Variants in EXOC4 observed in about 807,000 individuals in gnomAD.
The protein encoded by EXOC4 is exocyst complex component 4.
In EXOC4, 71 loss-of-function variants were observed where a neutral mutation model predicts 107.2. The ratio of observed to expected loss-of-function variants is 0.66; its 90% CI spans 0.55 to 0.81. The LOEUF is 0.81. EXOC4 is among the 30% of genes least tolerant of loss of function. The probability of loss-of-function intolerance (pLI) is 0.00; values close to 1 mark genes in which losing one functional copy is unlikely to be tolerated. For missense variants in EXOC4, 1,108 were observed against 1,189.6 expected, an observed-to-expected ratio of 0.93 and a Z score of 1.01; for synonymous variants, 456 against 441.2, an observed-to-expected ratio of 1.03 and a Z score of -0.42.
chr7:134,010,690 A>C (rs770361911), intron 17 of EXOC4, among the ~76,000 whole-genome samples: 1 of 152,210 alleles, frequency 6.6e-6, no homozygotes, highest in Non-Finnish European at 1.5e-5. Context: ...GCAAATCTCT[A>C]TAGGAATGTT....
At chr7:133,449,360 T>C (rs1467609483) in intron 7 of EXOC4, among the ~76,000 whole-genome samples, 1 of 152,174 alleles carries the variant, frequency 6.6e-6, no homozygotes, top group Non-Finnish European at 1.5e-5. Context: ...AGAATACATT[T>C]CTATTGTTTT....
At chr7:133,639,660 A>G (rs976273072) in intron 10 of EXOC4, among the ~76,000 whole-genome samples, 2 of 152,122 alleles carry the variant, frequency 1.3e-5, no homozygotes, top group African/African-American at 4.8e-5. Context: ...CCTTAATTTC[A>G]TTTTTTGGTA....
At chr7:133,279,948 TA>T (rs1304205433) in intron 2 of EXOC4, among the ~76,000 whole-genome samples, 2 of 152,142 alleles carry the variant, frequency 1.3e-5, no homozygotes, top group Non-Finnish European at 2.9e-5. Context: ...CAAGCTTTTT[TA>T]AAAAAATTAA....
In EXOC4 at chr7:133,475,401, C is replaced by A. The variant is rs1342076453; in HGVS notation, c.1256C>A (p.Ala419Asp). The A allele has an allele frequency of 5.6e-6, 9 of 1,613,890 alleles. No homozygotes were observed. The highest frequency in any genetic ancestry group is 7.6e-6 in the Non-Finnish European group (9 of 1,179,870). ...ASEPSAQLSYASTGREFAAFF... is the reference protein window; with the variant it reads ...ASEPSAQLSYDSTGREFAAFF... ...GAACCATCAGCTCAACTAAGCTATG[C>A]CAGCACTGGACGAGAGTTTGCAGCC... is the stretch of plus-strand genomic sequence containing the variant. Residue 419 changes from alanine (A) to aspartate (D), a missense_variant, in exon 8 of 18, where the codon GCC becomes GAC. Transcript: ENST00000253861.
chr7:133,504,604 G>A (rs1278347588), intron 9 of EXOC4, among the ~76,000 whole-genome samples: 3 of 152,090 alleles, frequency 2.0e-5, no homozygotes, highest in African/African-American at 7.2e-5. Flanking sequence ...AGATGTGCAA[G>A]AAGGCTATTT....
intron 11 of EXOC4, among the ~76,000 whole-genome samples, chr7:133,886,509 T>C (rs1563043701): frequency 1.3e-5 from 2 of 151,930 alleles, no homozygotes; most frequent in African/African-American, 4.9e-5. Context: ...TCCACAGCAA[T>C]GTTTTTTTTT....
chr7:133,792,460 G>A (rs1017640720), intron 10 of EXOC4, among the ~76,000 whole-genome samples: 5 of 150,592 alleles, frequency 3.3e-5, no homozygotes, highest in African/African-American at 1.2e-4. Context: ...AGCTGAAGTG[G>A]GAGGATTGCT....
At chr7:133,471,470 A>T (rs1194583319) in intron 7 of EXOC4, among the ~76,000 whole-genome samples, 1 of 152,150 alleles carries the variant, frequency 6.6e-6, no homozygotes, top group African/African-American at 2.4e-5. Flanking sequence ...CTTTACCTAA[A>T]TTTAAAATAG....
At chr7:133,260,581 C>T (rs2150505221) in intron 1 of EXOC4, among the ~76,000 whole-genome samples, 1 of 152,272 alleles carries the variant, frequency 6.6e-6, no homozygotes. Flanking sequence ...GCCCCTTTAA[C>T]TTTATTCTAC....
intron 9 of EXOC4, among the ~76,000 whole-genome samples, chr7:133,534,582 G>C (rs1800239091): frequency 6.6e-6 from 1 of 152,142 alleles, no homozygotes. Context: ...TCAAGGGCTA[G>C]GAAATGTTTT....
chr7:133,527,301 G>T (rs1213153425), intron 9 of EXOC4, among the ~76,000 whole-genome samples: 1 of 152,050 alleles, frequency 6.6e-6, no homozygotes, highest in East Asian at 1.9e-4. Context: ...CTACTTGGGA[G>T]GCTGAGGCAG....
At position 133,522,873 on chromosome 7, in the gene EXOC4, T is replaced by C. The variant is rs540704465; in HGVS notation, c.1417+42735T>C. On this transcript the variant is annotated intron_variant, in intron 9 of 17. Coordinates refer to ENST00000253861, the MANE Select transcript of EXOC4 (RefSeq NM_021807.4). ...GGGAGCCTACATTCCCAAGAATCTC[T>C]GATATGACCATATAAAAACCATGAC... Among the ~76,000 whole-genome samples the C allele has an allele frequency of 2.0e-5, 3 of 152,284 alleles. No individual in the cohort carries two copies. In the South Asian group the frequency reaches 6.2e-4, roughly 32 times the overall value.
intron 11 of EXOC4, among the ~76,000 whole-genome samples, chr7:133,824,145 A>C (rs181411094): frequency 6.6e-6 from 1 of 151,246 alleles, no homozygotes; most frequent in Non-Finnish European, 1.5e-5. Flanking sequence ...TGGGAATCAT[A>C]GAATCTGTGT....
Position 133,707,045 on chromosome 7 carries a change from T to G in EXOC4, c.1514+76904T>G, listed in dbSNP as rs1382891232. On this transcript the variant is annotated intron_variant, in intron 10 of 17. Transcript: ENST00000253861. ...AGTAAACCAGAGCTCTTGTAAGACATGTGTGTGTACACATTAAGTGGCCTT... is the reference window on the plus strand; with the variant it reads ...AGTAAACCAGAGCTCTTGTAAGACAGGTGTGTGTACACATTAAGTGGCCTT... 2.0e-5 allele frequency among the ~76,000 whole-genome samples: 3 copies of G among 152,066 alleles called. No individual in the cohort carries two copies. In the East Asian group the frequency reaches 5.8e-4, roughly 29 times the overall value.
intron 10 of EXOC4, among the ~76,000 whole-genome samples, chr7:133,735,700 A>G (rs1452739536): frequency 6.6e-6 from 1 of 151,704 alleles, no homozygotes; most frequent in East Asian, 1.9e-4. Flanking sequence ...GAAGCTCCCC[A>G]TTTGTGTTTT....
intron 9 of EXOC4, among the ~76,000 whole-genome samples, chr7:133,561,626 C>A (rs908830731): frequency 2.0e-5 from 3 of 152,100 alleles, no homozygotes; most frequent in Admixed American, 2.0e-4. Context: ...TTTGCTATAA[C>A]GTTGATGAGA....
At chr7:133,269,808 G>A (rs942113951) in intron 1 of EXOC4, among the ~76,000 whole-genome samples, 5 of 152,162 alleles carry the variant, frequency 3.3e-5, no homozygotes, top group Admixed American at 1.3e-4. Flanking sequence ...TCACTTCTCA[G>A]CACATCTGAG....
intron 10 of EXOC4, among the ~76,000 whole-genome samples, chr7:133,773,073 G>A (rs77355033): frequency 6.6e-6 from 1 of 151,958 alleles, no homozygotes; most frequent in South Asian, 2.1e-4. Context: ...GTGTCCCTAG[G>A]TCATTGCTTT....
chr7:133,995,955 T>A (rs1794381993), intron 14 of EXOC4, among the ~76,000 whole-genome samples: 1 of 152,194 alleles, frequency 6.6e-6, no homozygotes, highest in Non-Finnish European at 1.5e-5. Flanking sequence ...CCAATTCCCA[T>A]GTTCCCTAAG....
Sources: gnomAD v4.1 joint callset for allele counts (sites outside exome capture counted in the v4.1 genomes callset) on GRCh38, gnomAD v4.1.1 for gene constraint, MANE v1.5 for transcripts, NCBI Gene and HGNC (gene_info 2026-07-23, HGNC 2026-07-21) for gene names.